NEDD4L: variants seen among roughly 807,000 people sequenced by gnomAD.
NEDD4L encodes the protein E3 ubiquitin-protein ligase NEDD4-like.
A neutral mutation model predicts 148.9 loss-of-function variants in NEDD4L; 54 were observed. The observed-to-expected ratio is 0.36, with a 90% CI of 0.29 to 0.45. NEDD4L has a LOEUF of 0.45. NEDD4L is among the 20% of genes least tolerant of loss of function. NEDD4L has a pLI of 1.00. For missense variants in NEDD4L, 856 were observed against 1,233.8 expected, an observed-to-expected ratio of 0.69 and a Z score of 4.59; for synonymous variants, 433 against 440.7, an observed-to-expected ratio of 0.98 and a Z score of 0.22.
chr18:58,336,914 C>G (rs1273157140), intron 13 of NEDD4L, among the ~76,000 whole-genome samples: 1 of 152,166 alleles, frequency 6.6e-6, no homozygotes, highest in Non-Finnish European at 1.5e-5. Flanking sequence ...GGGACAAGAT[C>G]GTTTTGTGAG....
rs144439677 is a variant in NEDD4L at position 58,168,495 on chromosome 18, C to T, written c.122+2634C>T. ...TTGTAACTGGCATGTGGGGAAGAAC[C>T]GCAAAGTGACTTCTGTCGGCAGCAG... On this transcript the variant is annotated intron_variant, in intron 2 of 30. Coordinates refer to ENST00000400345, the MANE Select transcript of NEDD4L (RefSeq NM_001144967.3). 2.0e-3 allele frequency among the ~76,000 whole-genome samples: 302 copies of T among 152,272 alleles called. 1 individual carries two copies. Among genetic ancestry groups the T allele is most frequent in the African/African-American group, 6.6e-3 (276 of 41,546 alleles).
chr18:58,362,187 G>A (rs563916061), intron 19 of NEDD4L, among the ~76,000 whole-genome samples: 1 of 152,320 alleles, frequency 6.6e-6, no homozygotes, highest in East Asian at 1.9e-4. Context: ...ATAGGCTGGG[G>A]GCCACATGTT....
At chr18:58,161,752 A>G (rs1465959167) in intron 1 of NEDD4L, among the ~76,000 whole-genome samples, 1 of 152,174 alleles carries the variant, frequency 6.6e-6, no homozygotes, top group African/African-American at 2.4e-5. Context: ...CTCCCTTCGT[A>G]TGATTTTCCC....
Position 58,341,212 on chromosome 18 carries a change from G to A in NEDD4L, c.1257+43G>A, listed in dbSNP as rs765411779. ...CAACTTAAAACCGCAGGCCATAGAA[G>A]CCGAAATGTACATGACCGAACTCCT... On this transcript the variant is annotated intron_variant, in intron 14 of 30. Transcript: ENST00000400345. 2.5e-6 allele frequency: 4 copies of A among 1,602,540 alleles called. No individual in the cohort carries two copies. The Admixed American group carries it at 5.1e-5, about 21-fold the overall frequency.
At chr18:58,108,872 G>A (rs1282552244) in intron 1 of NEDD4L, among the ~76,000 whole-genome samples, 2 of 152,196 alleles carry the variant, frequency 1.3e-5, no homozygotes, top group Admixed American at 6.5e-5. Flanking sequence ...CTTATCACCT[G>A]TGAAAAGTGG....
intron 24 of NEDD4L, among the ~76,000 whole-genome samples, chr18:58,381,841 A>C (rs1221343798): frequency 6.6e-6 from 1 of 152,094 alleles, no homozygotes; most frequent in Non-Finnish European, 1.5e-5. Flanking sequence ...CCCCACCCCC[A>C]AGTGGAAGCT....
chr18:58,382,260 G>A (rs781394632), intron 24 of NEDD4L, among the ~76,000 whole-genome samples: 4 of 152,170 alleles, frequency 2.6e-5, no homozygotes, highest in Admixed American at 6.5e-5. Flanking sequence ...CAGGTGGCAG[G>A]ACCAAGGAAC....
chr18:58,347,260 A>G lies in NEDD4L; in HGVS notation c.1576-2277A>G, dbSNP rs995006236. Among the ~76,000 whole-genome samples the G allele has an allele frequency of 1.2e-4, 14 of 113,382 alleles. No homozygotes were observed. In the Admixed American group the frequency reaches 1.8e-3, roughly 15 times the overall value. The allele number at this position is 113,382 out of a possible 152,430, so 74.4% of individuals were successfully genotyped here. A position where few individuals can be genotyped will look rare whatever the true frequency, so the allele number is the denominator to read the frequency against. The stretch of plus-strand genomic sequence containing the variant: ...CACCAGCCTTTTACCAATAGGGCTG[A>G]TTGTCTTTCACGGTAGCCTACATGT... On this transcript the variant is annotated intron_variant, in intron 16 of 30. Transcript: ENST00000400345.
intron 1 of NEDD4L, among the ~76,000 whole-genome samples, chr18:58,083,659 G>A (rs1052245205): frequency 6.6e-6 from 1 of 151,068 alleles, no homozygotes; most frequent in Non-Finnish European, 1.5e-5. Context: ...CTGCACTCCA[G>A]CCTGGGCGAC....
rs2049493299 is a variant in NEDD4L, at chr18:58,389,432, T to C, written c.2655+240T>C. On this transcript the variant is annotated intron_variant, in intron 28 of 30. Transcript: ENST00000400345. ...GGTCCCTACAAAAGCACACTGGCCTTCCTTGACCACCTCGTGAAAGTGACT... is the reference window on the plus strand; with the variant it reads ...GGTCCCTACAAAAGCACACTGGCCTCCCTTGACCACCTCGTGAAAGTGACT... 4 of 375,192 alleles carry C rather than the reference T, an allele frequency of 1.1e-5. No homozygotes were observed. The Admixed American group carries it at 1.7e-4, about 16-fold the overall frequency. 23.2% of individuals were successfully genotyped at this position (375,192 alleles called of 1,614,324 possible).
chr18:58,296,237 A>C (rs769911134), intron 5 of NEDD4L, among the ~76,000 whole-genome samples: 32 of 152,196 alleles, frequency 2.1e-4, no homozygotes, highest in Non-Finnish European at 4.1e-4. Flanking sequence ...CATGCAATTC[A>C]GCCTTGCAAG....
In NEDD4L at chr18:58,400,909, T is replaced by C. The variant is rs2050807449; in HGVS notation, c.*4640T>C. ...ACTCTGTATGTAATATATATACATATATACGTACATATGCTGTCCAAATAT... is the reference window on the plus strand; with the variant it reads ...ACTCTGTATGTAATATATATACATACATACGTACATATGCTGTCCAAATAT... On this transcript the variant is annotated 3_prime_UTR_variant, in exon 31 of 31. Coordinates refer to ENST00000400345, the MANE Select transcript of NEDD4L (RefSeq NM_001144967.3). 6.6e-6 allele frequency: 1 copy of C among 152,206 alleles called. No homozygotes were observed. The highest frequency in any genetic ancestry group is 2.1e-4 in the South Asian group (1 of 4,828). 9.4% of individuals were successfully genotyped at this position (152,206 alleles called of 1,614,324 possible). A position where few individuals can be genotyped will look rare whatever the true frequency, so the allele number is the denominator to read the frequency against.
At chr18:58,254,560 C>CAAAAAA (rs71173040) in intron 5 of NEDD4L, among the ~76,000 whole-genome samples, 1 of 111,958 alleles carries the variant, frequency 8.9e-6, no homozygotes, top group African/African-American at 3.3e-5. Flanking sequence ...AAATTATTAC[C>CAAAAAA]AAAAAAAAAA....
chr18:58,237,023 CAAATAAT>C (rs1392892462), intron 2 of NEDD4L, among the ~76,000 whole-genome samples: 2 of 144,798 alleles, frequency 1.4e-5, no homozygotes, highest in African/African-American at 5.1e-5. Context: ...AACTCCATCT[CAAATAAT>C]AATAATAATA....
chr18:58,221,597 C>A (rs188108585), intron 2 of NEDD4L: 1 of 985,268 alleles, frequency 1.0e-6, no homozygotes, highest in Non-Finnish European at 1.2e-6. Flanking sequence ...GCTGGTATTC[C>A]CCCGGTATCA....
At chr18:58,128,760 A>G (rs1019289312) in intron 1 of NEDD4L, among the ~76,000 whole-genome samples, 1 of 152,246 alleles carries the variant, frequency 6.6e-6, no homozygotes, top group East Asian at 1.9e-4. Flanking sequence ...GTTGAGCAGC[A>G]CATTTAAATG....
chr18:58,224,640 A>G (rs998683189), intron 2 of NEDD4L, among the ~76,000 whole-genome samples: 9 of 152,194 alleles, frequency 5.9e-5, no homozygotes, highest in African/African-American at 2.2e-4. Context: ...ATAACTATTT[A>G]GCTTAACTCA....
At position 58,044,699 on chromosome 18, in the gene NEDD4L, C is replaced by G. The variant is rs753674370; in HGVS notation, c.39C>G (p.Ser13=). ...TCGGGGAGCCGGTCTATGGACTTTCCGAAGACGAGGTGAGTGGCACCCCCT... is the reference window on the plus strand; with the variant it reads ...TCGGGGAGCCGGTCTATGGACTTTCGGAAGACGAGGTGAGTGGCACCCCCT... ...TGLGEPVYGL[S]EDEGESRILR... The change falls in exon 1 of 31, where the codon TCC becomes TCG. Residue 13 remains serine (S), a synonymous_variant. Transcript: ENST00000400345. The G allele has an allele frequency of 9.3e-6, 15 of 1,608,322 alleles. No individual in the cohort carries two copies. The highest frequency in any genetic ancestry group is 1.2e-5 in the Non-Finnish European group (14 of 1,177,414).
At chr18:58,314,334 T>C (rs1219688528) in intron 5 of NEDD4L, among the ~76,000 whole-genome samples, 1 of 151,714 alleles carries the variant, frequency 6.6e-6, no homozygotes, top group African/African-American at 2.4e-5. Flanking sequence ...GGAGAATCGC[T>C]TTAACCCAGG....
Sources: gnomAD v4.1 joint callset for allele counts (sites outside exome capture counted in the v4.1 genomes callset) on GRCh38, gnomAD v4.1.1 for gene constraint, MANE v1.5 for transcripts, NCBI Gene and HGNC (gene_info 2026-07-23, HGNC 2026-07-21) for gene names.